The following SLC17A1 variants were observed in gnomAD, a reference collection of about 807,000 sequenced individuals.
The protein encoded by SLC17A1 is solute carrier family 17 member 1.
Under a neutral mutation model 53.5 loss-of-function variants are expected in SLC17A1, and 51 were observed. The observed-to-expected ratio is 0.95, with a 90% CI of 0.76 to 1.20. The LOEUF is 1.20. SLC17A1 is among the 50% of genes most tolerant of loss of function. The pLI, the probability that SLC17A1 is intolerant of heterozygous loss-of-function variation, is 0.00. For synonymous variants in SLC17A1, 179 were observed against 198.8 expected (o/e 0.90, Z 0.84); for missense variants, 538 against 568.2 (o/e 0.95, Z 0.54).
chr6:25,773,604 G>T, the SLC17A1 span: 2 of 1,613,816 alleles, frequency 1.2e-6, no homozygotes, highest in African/African-American at 1.3e-5. Flanking sequence ...TGTGAATACT[G>T]GCTTTTTTAT....
chr6:25,784,471 G>T (rs1226306775), intron 12 of SLC17A1, among the ~76,000 whole-genome samples: 1 of 152,134 alleles, frequency 6.6e-6, no homozygotes, highest in Non-Finnish European at 1.5e-5. Flanking sequence ...GAGAGCAGGG[G>T]CAATAGAGAG....
chr6:25,761,602 T>C, the SLC17A1 span, among the ~76,000 whole-genome samples: 2 of 152,232 alleles, frequency 1.3e-5, no homozygotes, highest in African/African-American at 4.8e-5. Context: ...CAAATAAGGT[T>C]GTCAAGTTTT....
intron 12 of SLC17A1, among the ~76,000 whole-genome samples, chr6:25,792,223 T>C (rs763897067): frequency 1.3e-5 from 2 of 152,206 alleles, no homozygotes; most frequent in Non-Finnish European, 2.9e-5. Context: ...AGGGTTCAGC[T>C]GTATTGACCA....
the SLC17A1 span, among the ~76,000 whole-genome samples, chr6:25,743,840 T>A: frequency 6.6e-6 from 1 of 152,070 alleles, no homozygotes; most frequent in African/African-American, 2.4e-5. Context: ...ATCATAAATG[T>A]GAAAGAAAGC....
At chr6:25,823,618 T>G (rs1225226636) in intron 3 of SLC17A1, among the ~76,000 whole-genome samples, 2 of 152,082 alleles carry the variant, frequency 1.3e-5, no homozygotes, top group Non-Finnish European at 2.9e-5. Flanking sequence ...TCTCCTTTGG[T>G]GAAATAGCTG....
the SLC17A1 span, among the ~76,000 whole-genome samples, chr6:25,727,449 T>G: frequency 6.7e-6 from 1 of 150,038 alleles, no homozygotes; most frequent in Non-Finnish European, 1.5e-5. Flanking sequence ...TGGAGTGCAG[T>G]GGCGGAATCT....
At chr6:25,827,320 A>G (rs1430111954) in intron 2 of SLC17A1, among the ~76,000 whole-genome samples, 1 of 152,210 alleles carries the variant, frequency 6.6e-6, no homozygotes, top group Non-Finnish European at 1.5e-5. Context: ...TTTATTCAAA[A>G]TAGCAGAATG....
At chr6:25,732,066 C>T in the SLC17A1 span, 18 of 1,224,886 alleles carry the variant, frequency 1.5e-5, no homozygotes, top group Non-Finnish European at 2.0e-5. Context: ...CTCTTTGCGG[C>T]ATCTCTTGCG....
At chr6:25,776,671 T>C in the SLC17A1 span, 4 of 1,613,856 alleles carry the variant, frequency 2.5e-6, no homozygotes, top group South Asian at 2.2e-5. Context: ...GCAGACTTTC[T>C]TCTCTCCAGA....
intron 3 of SLC17A1, among the ~76,000 whole-genome samples, chr6:25,820,522 T>A (rs981734296): frequency 6.6e-6 from 1 of 152,212 alleles, no homozygotes; most frequent in Non-Finnish European, 1.5e-5. Flanking sequence ...GCATATTTTT[T>A]CCAGAAATGT....
the SLC17A1 span, among the ~76,000 whole-genome samples, chr6:25,725,818 G>T: frequency 4.6e-5 from 7 of 152,086 alleles, no homozygotes; most frequent in African/African-American, 2.4e-5. Flanking sequence ...CCCCAGGCTT[G>T]AACGACCCTC....
In SLC17A1 at chr6:25,817,292, C is replaced by G. The variant is rs557533424; in HGVS notation, c.616+1776G>C. ...ATTCAGATTTGTTCAACTTTATTGG[C>G]AAGAATATTCCAATGGAATTTTAAA... On this transcript the variant is annotated intron_variant, in intron 6 of 12. Coordinates refer to ENST00000244527, the MANE Select transcript of SLC17A1 (RefSeq NM_005074.5). 2.6e-5 allele frequency among the ~76,000 whole-genome samples: 4 copies of G among 152,312 alleles called. No individual in the cohort carries two copies. In the East Asian group the frequency reaches 7.7e-4, roughly 29 times the overall value.
At chr6:25,742,800 A>G in the SLC17A1 span, among the ~76,000 whole-genome samples, 1 of 152,182 alleles carries the variant, frequency 6.6e-6, no homozygotes, top group African/African-American at 2.4e-5. Flanking sequence ...CCATTTCTCA[A>G]AAAATAATAA....
At chr6:25,769,256 G>T in the SLC17A1 span, 1 of 1,416,754 alleles carries the variant, frequency 7.1e-7, no homozygotes, top group South Asian at 1.2e-5. Context: ...AGTTATAAAA[G>T]AGTGAGATTC....
intron 11 of SLC17A1, among the ~76,000 whole-genome samples, chr6:25,799,612 G>A (rs1763694833): frequency 6.6e-6 from 1 of 152,192 alleles, no homozygotes; most frequent in Non-Finnish European, 1.5e-5. Flanking sequence ...CAAATGCTCA[G>A]AAGAGTATTC....
chr6:25,732,521 T>C, the SLC17A1 span: 1 of 442,762 alleles, frequency 2.3e-6, no homozygotes, highest in Admixed American at 3.2e-5. Context: ...CCGTGGGCGG[T>C]GTCAACGGGC....
chr6:25,732,369 G>A, the SLC17A1 span: 1 of 265,220 alleles, frequency 3.8e-6, no homozygotes, highest in East Asian at 9.4e-5. Flanking sequence ...TCCACAATCT[G>A]CTGTCAGACT....
At chr6:25,795,279 C>T (rs189657271) in intron 12 of SLC17A1, among the ~76,000 whole-genome samples, 12 of 151,942 alleles carry the variant, frequency 7.9e-5, no homozygotes, top group East Asian at 1.9e-4. Flanking sequence ...TACAGGTTTA[C>T]GTAGAATTAG....
Position 25,830,541 on chromosome 6 carries a change from C to T in SLC17A1, c.17G>A (p.Arg6Gln), listed in dbSNP as rs142325882. 46 of 1,613,406 alleles carry T rather than the reference C, an allele frequency of 2.9e-5. No individual in the cohort carries two copies. Among genetic ancestry groups the T allele is most frequent in the African/African-American group, 2.4e-4 (18 of 74,884 alleles). ...AGTGCTACCTTTTTTGGGAGGCAAC[C>T]GGTTATCCATTTGCATACACGGCTG... Reference protein sequence around the residue: MQMDNRLPPKKVPGFC... With the variant: MQMDNQLPPKKVPGFC... The change falls in exon 2 of 13, where the codon CGG becomes CAG. Residue 6 changes from arginine to glutamine, a missense_variant. Physicochemically the swap from Arg to Gln is conservative, Grantham distance 43 (BLOSUM62 1). Coordinates refer to ENST00000244527, the MANE Select transcript of SLC17A1 (RefSeq NM_005074.5).
Sources: gnomAD v4.1 joint callset for allele counts (sites outside exome capture counted in the v4.1 genomes callset) on GRCh38, gnomAD v4.1.1 for gene constraint, MANE v1.5 for transcripts, NCBI Gene and HGNC (gene_info 2026-07-23, HGNC 2026-07-21) for gene names.